PCDHGA3: variants seen among roughly 807,000 people sequenced by gnomAD.
PCDHGA3 encodes the protein protocadherin gamma-A3.
In PCDHGA3, 40 loss-of-function variants were observed where a neutral mutation model predicts 58.5. The observed-to-expected ratio is 0.68, with a 90% confidence interval of 0.53 to 0.89. The LOEUF is 0.89. Among genes scored for constraint, PCDHGA3 ranks in the 40% least tolerant of loss-of-function variants. The probability of loss-of-function intolerance (pLI) is 0.00; values close to 1 mark genes in which losing one functional copy is unlikely to be tolerated. For missense variants in PCDHGA3, 1,223 were observed against 1,195.9 expected (o/e 1.02, Z -0.33); for synonymous variants, 530 against 525.7 (o/e 1.01, Z -0.11).
Position 141,364,575 on chromosome 5 carries a change from G to A in PCDHGA3, c.2424+18118G>A, listed in dbSNP as rs372313739. On this transcript the variant is annotated intron_variant, in intron 1 of 3. Coordinates refer to ENST00000253812, the MANE Select transcript of PCDHGA3 (RefSeq NM_018916.4). ...CTTTTTGCCCTGAACCCGCGAAGCG[G>A]CAGCTTGGTCACCGCGGGCAGGATA... is the stretch of plus-strand genomic sequence containing the variant. 1.7e-5 allele frequency: 27 copies of A among 1,614,070 alleles called. No individual in the cohort carries two copies. The Middle Eastern group carries it at 4.9e-4, about 29-fold the overall frequency.
At chr5:141,427,397 T>C (rs944166415) in intron 1 of PCDHGA3, 2 of 460,626 alleles carry the variant, frequency 4.3e-6, no homozygotes, top group South Asian at 1.5e-5. Flanking sequence ...AAACACATGA[T>C]AAAGATTCGA....
intron 1 of PCDHGA3, chr5:141,400,510 T>C: frequency 6.2e-7 from 1 of 1,613,972 alleles, no homozygotes; most frequent in Non-Finnish European, 8.5e-7. Context: ...CGAGTCGACT[T>C]CCCATCCTGA....
At chr5:141,429,657 A>G (rs1455808092) in intron 1 of PCDHGA3, among the ~76,000 whole-genome samples, 1 of 152,232 alleles carries the variant, frequency 6.6e-6, no homozygotes, top group African/African-American at 2.4e-5. Flanking sequence ...TTCCCAATTT[A>G]AAATATATTA....
At position 141,399,889 on chromosome 5, in the gene PCDHGA3, G is replaced by A. The variant is rs2093912508; in HGVS notation, c.2424+53432G>A. 2.5e-6 allele frequency: 4 copies of A among 1,612,576 alleles called. No homozygotes were observed. In the African/African-American group the frequency reaches 5.3e-5, roughly 22 times the overall value. On this transcript the variant is annotated intron_variant, in intron 1 of 3. Coordinates refer to ENST00000253812, the MANE Select transcript of PCDHGA3 (RefSeq NM_018916.4). Reference sequence around the variant, plus strand: ...GCCCGGCTACCTGGTGACCAAGGTAGTGGCCGTGGACGCAGACTCAGGACA... The same window carrying A: ...GCCCGGCTACCTGGTGACCAAGGTAATGGCCGTGGACGCAGACTCAGGACA...
Position 141,431,449 on chromosome 5 carries a change from G to A in PCDHGA3, c.2425-63358G>A. Reference sequence around the variant, plus strand: ...GCACAGGCACCGCGCGCATCCGCGTGATGGTTCTGGATGCGAACGACAACG... The same window carrying A: ...GCACAGGCACCGCGCGCATCCGCGTAATGGTTCTGGATGCGAACGACAACG... On this transcript the variant is annotated intron_variant, in intron 1 of 3. Coordinates refer to ENST00000253812, the MANE Select transcript of PCDHGA3 (RefSeq NM_018916.4). The surrounding 1 kb of genome is among the most constrained non-coding windows in gnomAD (Gnocchi z 4.8). The A allele has an allele frequency of 6.2e-7, 1 of 1,613,742 alleles. No individual in the cohort carries two copies. Among genetic ancestry groups the A allele is most frequent in the South Asian group, 1.1e-5 (1 of 91,082 alleles).
At chr5:141,465,241 G>C (rs2099099198) in intron 1 of PCDHGA3, among the ~76,000 whole-genome samples, 1 of 151,964 alleles carries the variant, frequency 6.6e-6, no homozygotes, top group South Asian at 2.1e-4. Flanking sequence ...CAAGTTCAAG[G>C]CACTTTTGTA....
At chr5:141,404,041 A>G in intron 1 of PCDHGA3, 1 of 1,613,936 alleles carries the variant, frequency 6.2e-7, no homozygotes, top group Non-Finnish European at 8.5e-7. Context: ...CACCTCAGGG[A>G]ACAGTAATTC....
chr5:141,428,001 T>C (rs149531447), intron 1 of PCDHGA3: 1 of 1,601,704 alleles, frequency 6.2e-7, no homozygotes, highest in Admixed American at 1.7e-5. Flanking sequence ...CTCCGCACTC[T>C]TCGATATAGT....
chr5:141,438,627 TATATATATACAC>T (rs1324653166), intron 1 of PCDHGA3, among the ~76,000 whole-genome samples: 191 of 47,978 alleles, frequency 4.0e-3, no homozygotes, highest in African/African-American at 0.016. Flanking sequence ...TATATATATA[TATATATATACAC>T]ACACACACAC....
At chr5:141,374,599 C>T (rs948691402) in intron 1 of PCDHGA3, 10 of 1,613,528 alleles carry the variant, frequency 6.2e-6, no homozygotes, top group African/African-American at 1.3e-5. Context: ...GATTTAAGCT[C>T]AGTGGTAATA....
At chr5:141,370,428 G>A in intron 1 of PCDHGA3, 1 of 1,598,310 alleles carries the variant, frequency 6.3e-7, no homozygotes, top group Non-Finnish European at 8.5e-7. Context: ...GGGCCCAGCA[G>A]GGCAGAGGCG....
At chr5:141,474,965 A>G (rs1268347441) in intron 1 of PCDHGA3, among the ~76,000 whole-genome samples, 1 of 152,236 alleles carries the variant, frequency 6.6e-6, no homozygotes, top group Non-Finnish European at 1.5e-5. Context: ...TATCCTAATC[A>G]TTATAATTTT....
chr5:141,475,823 T>C (rs2099373850), intron 1 of PCDHGA3: 1 of 360,288 alleles, frequency 2.8e-6, no homozygotes, highest in Non-Finnish European at 5.0e-6. Context: ...TTCCTGGCGC[T>C]AGCGCGTGTC....
chr5:141,388,908 G>T, intron 1 of PCDHGA3: 2 of 1,613,892 alleles, frequency 1.2e-6, no homozygotes, highest in East Asian at 2.2e-5. Context: ...AAATGACAAC[G>T]CCCCAGAAGT....
At chr5:141,361,459 A>G in intron 1 of PCDHGA3, 4 of 1,614,028 alleles carry the variant, frequency 2.5e-6, no homozygotes, top group East Asian at 4.5e-5. Flanking sequence ...CACCCTGCAC[A>G]TCTCCGACGT....
chr5:141,373,015 TG>T (rs1769262754), intron 1 of PCDHGA3, among the ~76,000 whole-genome samples: 1 of 152,232 alleles, frequency 6.6e-6, no homozygotes, highest in Non-Finnish European at 1.5e-5. Flanking sequence ...AGCCTCCTTT[TG>T]ATAGTCTTGA....
At chr5:141,454,483 C>T (rs1434684795) in intron 1 of PCDHGA3, among the ~76,000 whole-genome samples, 9 of 151,684 alleles carry the variant, frequency 5.9e-5, no homozygotes, top group African/African-American at 9.7e-5. Flanking sequence ...CTCAGCTCAC[C>T]GCAACCTCCA....
intron 1 of PCDHGA3, chr5:141,390,545 A>G (rs62378444): frequency 2.0e-6 from 1 of 505,936 alleles, no homozygotes; most frequent in African/African-American, 1.9e-5. Context: ...CCACAAAGTG[A>G]AAGTGTTAGA....
At chr5:141,478,524 C>T in intron 1 of PCDHGA3, 1 of 1,609,844 alleles carries the variant, frequency 6.2e-7, no homozygotes, top group Non-Finnish European at 8.5e-7. Flanking sequence ...GTGTTGGGTG[C>T]AGAGAGCGCC....
Sources: gnomAD v4.1 joint callset for allele counts (sites outside exome capture counted in the v4.1 genomes callset) on GRCh38, gnomAD v4.1.1 for gene constraint, Gnocchi (gnomAD v3.1) non-coding constraint, MANE v1.5 for transcripts, NCBI Gene and HGNC (gene_info 2026-07-23, HGNC 2026-07-21) for gene names.